Variants in SCN11A observed in about 807,000 individuals in gnomAD.
SCN11A encodes the protein sodium channel protein type 11 subunit alpha.
In SCN11A, 122 loss-of-function variants were observed where a neutral mutation model predicts 162.2. The observed-to-expected ratio is 0.75, with a 90% CI of 0.65 to 0.87. SCN11A has a LOEUF of 0.87. SCN11A is among the 40% of genes least tolerant of loss of function. The probability of loss-of-function intolerance (pLI) is 0.00; values close to 1 mark genes in which losing one functional copy is unlikely to be tolerated. For synonymous variants in SCN11A, 758 were observed against 751.5 expected (o/e 1.01, Z -0.14); for missense variants, 2,015 against 2,181.6 (o/e 0.92, Z 1.52).
At chr3:39,030,566 T>C (rs776493456) in intron 2 of SCN11A, among the ~76,000 whole-genome samples, 6 of 152,342 alleles carry the variant, frequency 3.9e-5, no homozygotes, top group Non-Finnish European at 7.3e-5. Context: ...ACGTTTTCTA[T>C]CATTTTAGCT....
intron 1 of SCN11A, among the ~76,000 whole-genome samples, chr3:39,039,087 C>T (rs1484397254): frequency 1.3e-5 from 2 of 152,194 alleles, no homozygotes; most frequent in Admixed American, 6.5e-5. Context: ...TAACCTTCTT[C>T]CTCTCTTTCA....
chr3:38,973,485 G>A (rs2066829947), intron 2 of SCN11A, among the ~76,000 whole-genome samples: 1 of 151,910 alleles, frequency 6.6e-6, no homozygotes, highest in African/African-American at 2.4e-5. Context: ...TGAGATAATG[G>A]TTTTTATATT....
At chr3:38,986,885 CA>C (rs1355314272) in intron 2 of SCN11A, among the ~76,000 whole-genome samples, 4 of 152,166 alleles carry the variant, frequency 2.6e-5, no homozygotes, top group African/African-American at 9.7e-5. Context: ...TATAGAGCCA[CA>C]TGTCATTTTC....
intron 5 of SCN11A, among the ~76,000 whole-genome samples, chr3:38,949,000 C>T (rs1428212560): frequency 6.6e-6 from 1 of 152,214 alleles, no homozygotes; most frequent in East Asian, 1.9e-4. Context: ...CTACTTTCCT[C>T]TGTATATGTG....
chr3:38,927,506 ATC>A (rs1047202091), intron 7 of SCN11A, among the ~76,000 whole-genome samples: 4 of 152,142 alleles, frequency 2.6e-5, no homozygotes, highest in Admixed American at 1.3e-4. Context: ...AGCCAGAACA[ATC>A]TTGAAAAAAA....
chr3:38,938,082 G>T (rs1257853697), intron 7 of SCN11A, among the ~76,000 whole-genome samples: 1 of 152,106 alleles, frequency 6.6e-6, no homozygotes, highest in African/African-American at 2.4e-5. Flanking sequence ...CCTTTGTAGG[G>T]ACATGGATGA....
chr3:38,951,120 C>G (rs1016209858), intron 4 of SCN11A, among the ~76,000 whole-genome samples: 3 of 152,254 alleles, frequency 2.0e-5, no homozygotes, highest in African/African-American at 7.2e-5. Context: ...AAGGCCAGAG[C>G]CGGCTCCCTC....
chr3:39,048,623 C>T (rs1012170287), intron 1 of SCN11A, among the ~76,000 whole-genome samples: 23 of 152,234 alleles, frequency 1.5e-4, no homozygotes, highest in Middle Eastern at 6.8e-3. Context: ...TTAAAAAATA[C>T]ATCCACAAAT....
At chr3:38,954,093 A>G (rs1409446069) in intron 3 of SCN11A, among the ~76,000 whole-genome samples, 1 of 152,216 alleles carries the variant, frequency 6.6e-6, no homozygotes, top group Admixed American at 6.5e-5. Flanking sequence ...TGTGAGAGCC[A>G]TATGTCAGCT....
rs1197457610 is a variant in SCN11A, at chr3:38,885,389, G to A, written c.2963C>T (p.Thr988Ile). 6.3e-7 allele frequency: 1 copy of A among 1,597,404 alleles called. No individual in the cohort carries two copies. The highest frequency in any genetic ancestry group is 8.6e-7 in the Non-Finnish European group (1 of 1,164,698). ...GGTGCTACATTCTGATAGTATACTGGTAACATCAGACTTCTGCACATCAGA... is the reference window on the plus strand; with the variant it reads ...GGTGCTACATTCTGATAGTATACTGATAACATCAGACTTCTGCACATCAGA... ...IQDPRKKSDV[T>I]SILSECSTID... Residue 988 changes from threonine (T) to isoleucine (I), a missense_variant, in exon 21 of 30, where the codon ACC becomes ATC. Thr to Ile is a moderately conservative substitution (Grantham distance 89). Coordinates refer to ENST00000302328, the MANE Select transcript of SCN11A (RefSeq NM_001349253.2).
chr3:38,947,009 TATAAC>T (rs2066528320), intron 5 of SCN11A, 102 bp from the exon 6 acceptor site: 2 of 708,666 alleles, frequency 2.8e-6, no homozygotes, highest in Non-Finnish European at 4.8e-6. Context: ...TAGAGAAAAT[TATAAC>T]ATAAACTGTT....
At chr3:38,857,682 G>A (rs1381475511) in intron 28 of SCN11A, among the ~76,000 whole-genome samples, 1 of 152,002 alleles carries the variant, frequency 6.6e-6, no homozygotes, top group Non-Finnish European at 1.5e-5. Flanking sequence ...TTATCACCTA[G>A]GCACATAGTC....
At chr3:39,037,637 T>C (rs2031941282) in intron 1 of SCN11A, among the ~76,000 whole-genome samples, 1 of 151,790 alleles carries the variant, frequency 6.6e-6, no homozygotes, top group South Asian at 2.1e-4. Context: ...AAATTAAAAA[T>C]AAAAAAAATT....
At chr3:39,001,940 G>T (rs932680436) in intron 2 of SCN11A, among the ~76,000 whole-genome samples, 1 of 152,142 alleles carries the variant, frequency 6.6e-6, no homozygotes. Context: ...AGGAGGCTGA[G>T]GCAGGAGAAT....
intron 13 of SCN11A, among the ~76,000 whole-genome samples, chr3:38,908,724 A>C (rs1436728524): frequency 2.0e-5 from 3 of 152,266 alleles, no homozygotes; most frequent in Non-Finnish European, 4.4e-5. Flanking sequence ...CTAGTCAGTA[A>C]TTTAGGGCAT....
intron 2 of SCN11A, among the ~76,000 whole-genome samples, chr3:39,028,071 T>C (rs1340593612): frequency 6.6e-6 from 1 of 152,150 alleles, no homozygotes. Flanking sequence ...ATCAAACCCC[T>C]ACCCCCTCCC....
chr3:38,899,963 C>G lies in SCN11A; in HGVS notation c.1953G>C (p.Leu651=), dbSNP rs758859276. 1 of 1,614,068 alleles carries G rather than the reference C, an allele frequency of 6.2e-7. No individual in the cohort carries two copies. The highest frequency in any genetic ancestry group is 8.5e-7 in the Non-Finnish European group (1 of 1,179,990). The change falls in exon 17 of 30, where the codon CTG becomes CTC. Residue 651 remains leucine, a synonymous_variant. Transcript: ENST00000302328. Reference sequence around the variant, plus strand: ...CACAGTTCATTACATCTGCAAAACTCAGAAGAGCAACAATGCTGTCAAAAA... The same window carrying G: ...CACAGTTCATTACATCTGCAAAACTGAGAAGAGCAACAATGCTGTCAAAAA... ...WNIFDSIVAL[L]SFADVMNCVL...
intron 1 of SCN11A, among the ~76,000 whole-genome samples, 54 bp downstream of exon 1, chr3:39,051,807 C>G (rs2032392067): frequency 6.6e-6 from 1 of 152,164 alleles, no homozygotes; most frequent in Admixed American, 6.5e-5. Flanking sequence ...AAAAGTGGCT[C>G]TCTCCCCATC....
At chr3:38,998,480 C>A (rs2030709523) in intron 2 of SCN11A, among the ~76,000 whole-genome samples, 1 of 152,154 alleles carries the variant, frequency 6.6e-6, no homozygotes, top group South Asian at 2.1e-4. Flanking sequence ...CTAGTTCAAC[C>A]ATTGTGGAAG....
Sources: gnomAD v4.1 joint callset for allele counts (sites outside exome capture counted in the v4.1 genomes callset) on GRCh38, gnomAD v4.1.1 for gene constraint, MANE v1.5 for transcripts, NCBI Gene and HGNC (gene_info 2026-07-23, HGNC 2026-07-21) for gene names.